PLCG2: variants seen among roughly 807,000 people sequenced by gnomAD.
PLCG2 encodes the protein 1-phosphatidylinositol 4,5-bisphosphate phosphodiesterase gamma-2.
PLCG2 carries 69 observed loss-of-function variants against 175.6 expected under a neutral mutation model. The ratio of observed to expected loss-of-function variants is 0.39; its 90% CI spans 0.32 to 0.48. PLCG2 has a LOEUF of 0.48. PLCG2 is among the 20% of genes least tolerant of loss of function. The pLI, the probability that PLCG2 is intolerant of heterozygous loss-of-function variation, is 0.91. For synonymous variants in PLCG2, 827 were observed against 624.0 expected (o/e 1.33, Z -4.85); for missense variants, 1,798 against 1,650.9 (o/e 1.09, Z -1.54).
chr16:81,937,830 G>A lies in PLCG2; in HGVS notation c.3125G>A (p.Ser1042Asn), dbSNP rs114262189. ...GRTGYVLQPE[S>N]MRTEKYDPMP... is the part of the protein sequence containing the mutation. ...ACGGGCTACGTTCTGCAGCCTGAGAGCATGAGGACAGAGAAATATGACCCG... is the reference window on the plus strand; with the variant it reads ...ACGGGCTACGTTCTGCAGCCTGAGAACATGAGGACAGAGAAATATGACCCG... Residue 1042 changes from serine (S) to asparagine (N), a missense_variant, in exon 28 of 33, where the codon AGC becomes AAC. Transcript: ENST00000564138. The A allele has an allele frequency of 1.9e-6, 3 of 1,614,020 alleles. No homozygotes were observed. The highest frequency in any genetic ancestry group is 1.7e-6 in the Non-Finnish European group (2 of 1,179,874).
At chr16:81,955,594 T>G (rs1390968242) in intron 31 of PLCG2, among the ~76,000 whole-genome samples, 1 of 152,220 alleles carries the variant, frequency 6.6e-6, no homozygotes, top group Non-Finnish European at 1.5e-5. Context: ...CAGTCATGGC[T>G]GAATCTCTGT....
intron 2 of PLCG2, among the ~76,000 whole-genome samples, chr16:81,793,895 C>T (rs1384052196): frequency 1.3e-5 from 2 of 152,168 alleles, no homozygotes; most frequent in East Asian, 1.9e-4. Context: ...ACTTGTTCTT[C>T]CCAGTTTCAG....
chr16:81,941,296 G>A (rs1279234086), intron 30 of PLCG2, among the ~76,000 whole-genome samples: 1 of 152,198 alleles, frequency 6.6e-6, no homozygotes, highest in East Asian at 1.9e-4. Context: ...TACTTGGAAG[G>A]CTGAGGTTGC....
intron 12 of PLCG2, 108 bp from the exon 13 acceptor site, chr16:81,895,699 G>A: frequency 1.6e-6 from 2 of 1,231,378 alleles, no homozygotes; most frequent in South Asian, 2.6e-5. Flanking sequence ...AATGGAGGGA[G>A]TGTGGGTGTC....
At chr16:81,857,598 C>T (rs1425512355) in intron 3 of PLCG2, among the ~76,000 whole-genome samples, 3 of 151,676 alleles carry the variant, frequency 2.0e-5, no homozygotes, top group Non-Finnish European at 4.4e-5. Flanking sequence ...CATGGCTTTT[C>T]CTCAGGGTGT....
At chr16:81,931,781 G>T in intron 25 of PLCG2, 127 bp downstream of exon 25, 1 of 746,590 alleles carries the variant, frequency 1.3e-6, no homozygotes, top group Non-Finnish European at 2.2e-6. Flanking sequence ...ATTCAGGAAG[G>T]AGACCAGGTG....
rs146175110 is a variant in PLCG2 at position 81,940,036 on chromosome 16, A to G, written c.3458A>G (p.Tyr1153Cys). 43 of 1,613,670 alleles carry G rather than the reference A, an allele frequency of 2.7e-5. No homozygotes were observed. The East Asian group carries it at 9.6e-4, about 36-fold the overall frequency. Residue 1153 changes from tyrosine to cysteine, a missense_variant, in exon 30 of 33, where the codon TAC (tyrosine) becomes TGC (cysteine). Physicochemically the swap from Tyr to Cys is radical, Grantham distance 194 (BLOSUM62 -2). Transcript: ENST00000564138. Reference sequence around the variant, plus strand: ...CCCAACTTTCTTGCTCATGCCACTTACCCCATTAAAGCAGTCAAATCAGGT... The same window carrying G: ...CCCAACTTTCTTGCTCATGCCACTTGCCCCATTAAAGCAGTCAAATCAGGT... ...SDPNFLAHAT[Y>C]PIKAVKSGFR...
chr16:81,814,978 A>G (rs567089788), intron 2 of PLCG2, among the ~76,000 whole-genome samples: 64 of 152,326 alleles, frequency 4.2e-4, no homozygotes, highest in African/African-American at 1.5e-3. Context: ...GGTGGCGATA[A>G]GAAGTTACTT....
intron 2 of PLCG2, among the ~76,000 whole-genome samples, chr16:81,787,024 A>G (rs1035641548): frequency 6.6e-6 from 1 of 152,212 alleles, no homozygotes; most frequent in South Asian, 2.1e-4. Flanking sequence ...CTGCACCTTG[A>G]CTTCTTTTTG....
intron 22 of PLCG2, among the ~76,000 whole-genome samples, chr16:81,925,023 A>G (rs1910206556): frequency 6.6e-6 from 1 of 152,212 alleles, no homozygotes; most frequent in African/African-American, 2.4e-5. Flanking sequence ...GTGGGTGACT[A>G]ACAACATTTT....
intron 1 of PLCG2, among the ~76,000 whole-genome samples, chr16:81,784,305 T>C (rs552013434): frequency 4.7e-4 from 72 of 152,330 alleles, no homozygotes; most frequent in Non-Finnish European, 7.6e-4. Flanking sequence ...CAATGGCTGA[T>C]TAATGCTAAC....
intron 9 of PLCG2, among the ~76,000 whole-genome samples, chr16:81,888,739 C>T (rs1208133786): frequency 1.3e-5 from 2 of 152,212 alleles, no homozygotes; most frequent in Non-Finnish European, 2.9e-5. Context: ...ACTATGCCCC[C>T]AGGCTGCTTC....
intron 21 of PLCG2, among the ~76,000 whole-genome samples, chr16:81,922,208 C>T (rs954160437): frequency 2.6e-5 from 4 of 152,166 alleles, no homozygotes; most frequent in Admixed American, 1.3e-4. Flanking sequence ...GGCAGAGCTC[C>T]TAGAACCCAC....
intron 7 of PLCG2, among the ~76,000 whole-genome samples, chr16:81,872,845 G>T (rs143214549): frequency 1.3e-5 from 2 of 152,334 alleles, no homozygotes; most frequent in East Asian, 1.9e-4. Context: ...GTGAAGACAG[G>T]CATTTTTAAG....
intron 2 of PLCG2, among the ~76,000 whole-genome samples, chr16:81,819,874 G>C (rs1370273618): frequency 6.6e-6 from 1 of 152,240 alleles, no homozygotes; most frequent in Non-Finnish European, 1.5e-5. Flanking sequence ...GTGAGCCACT[G>C]TGCCTAGCCC....
rs1036479504 is a variant in PLCG2, at chr16:81,898,071, G to C, written c.1193+2144G>C. ...AGCTGGTATTAACAGACACTGTGCAGTGGCAGCTTACACTCTGCTTTGAGA... is the reference window on the plus strand; with the variant it reads ...AGCTGGTATTAACAGACACTGTGCACTGGCAGCTTACACTCTGCTTTGAGA... On this transcript the variant is annotated intron_variant, in intron 13 of 32. Transcript: ENST00000564138. 14 of 304,272 alleles carry C rather than the reference G, an allele frequency of 4.6e-5. No individual in the cohort carries two copies. The Admixed American group carries it at 6.1e-4, about 13-fold the overall frequency. 18.8% of individuals were successfully genotyped at this position (304,272 alleles called of 1,614,324 possible).
chr16:81,894,777 G>T (rs762996824), intron 12 of PLCG2, among the ~76,000 whole-genome samples: 40 of 152,192 alleles, frequency 2.6e-4, no homozygotes, highest in Non-Finnish European at 4.0e-4. Flanking sequence ...GGAGGCCGAG[G>T]CACAGGAATC....
At chr16:81,844,592 G>T (rs1906014458) in intron 2 of PLCG2, among the ~76,000 whole-genome samples, 2 of 152,200 alleles carry the variant, frequency 1.3e-5, no homozygotes, top group Non-Finnish European at 1.5e-5. Context: ...AAATCGCTGG[G>T]ATTACCGGCG....
intron 5 of PLCG2, among the ~76,000 whole-genome samples, chr16:81,864,865 C>T (rs1420706640): frequency 6.6e-6 from 1 of 152,114 alleles, no homozygotes; most frequent in Non-Finnish European, 1.5e-5. Flanking sequence ...TTGTTCAGTG[C>T]TGTCTGCCAT....
Sources: allele counts gnomAD v4.1 joint callset (sites outside exome capture counted in the v4.1 genomes callset), GRCh38; gene constraint gnomAD v4.1.1; transcripts MANE v1.5; gene names NCBI Gene and HGNC (gene_info 2026-07-23, HGNC 2026-07-21).